The following TBXAS1 variants were observed in gnomAD, a reference collection of about 807,000 sequenced individuals.
The protein encoded by TBXAS1 is thromboxane A synthase 1, also known as thromboxane-A synthase.
TBXAS1 carries 48 observed loss-of-function variants against 60.7 expected under a neutral mutation model. That is an observed-to-expected ratio of 0.79 (90% CI 0.63 to 1.01). The LOEUF (loss-of-function observed/expected upper bound fraction) is 1.01, where lower values mean the gene tolerates loss of function less well. Among genes scored for constraint, TBXAS1 ranks in the 50% least tolerant of loss-of-function variants. The probability of loss-of-function intolerance (pLI) is 0.00; values close to 1 mark genes in which losing one functional copy is unlikely to be tolerated. For synonymous variants in TBXAS1, 287 were observed against 269.7 expected (o/e 1.06, Z -0.63); for missense variants, 685 against 686.3 (o/e 1.00, Z 0.02).
Position 139,830,139 on chromosome 7 carries a change from G to C in TBXAS1, c.89+660G>C, listed in dbSNP as rs576996320. On this transcript the variant is annotated intron_variant, in intron 1 of 12. Coordinates refer to ENST00000448866, the MANE Select transcript of TBXAS1 (RefSeq NM_001061.7). ...GCAAATTTTCCTAAGGCTGACTCTG[G>C]TGTCTGTAGGTCGAAGGCCTCATAA... is the stretch of plus-strand genomic sequence containing the variant. Among the ~76,000 whole-genome samples the C allele has an allele frequency of 2.0e-5, 3 of 152,268 alleles. No individual in the cohort carries two copies. In the South Asian group the frequency reaches 6.2e-4, roughly 32 times the overall value.
intron 4 of TBXAS1, among the ~76,000 whole-genome samples, chr7:139,915,190 T>G (rs879467501): frequency 6.6e-6 from 1 of 152,202 alleles, no homozygotes; most frequent in Non-Finnish European, 1.5e-5. Flanking sequence ...AAAACAGTCT[T>G]TAAAGTGGGA....
intron 1 of TBXAS1, among the ~76,000 whole-genome samples, chr7:139,850,918 G>C (rs1800171765): frequency 6.6e-6 from 1 of 152,156 alleles, no homozygotes; most frequent in Non-Finnish European, 1.5e-5. Context: ...TGGCCCTGCT[G>C]ATGTCTTGAC....
intron 9 of TBXAS1, among the ~76,000 whole-genome samples, chr7:139,981,611 C>T (rs1287527950): frequency 6.6e-6 from 1 of 152,198 alleles, no homozygotes; most frequent in Non-Finnish European, 1.5e-5. Context: ...TGGTTGGAGG[C>T]CGCCAACCTC....
chr7:139,951,428 G>T (rs1809243769), intron 5 of TBXAS1, among the ~76,000 whole-genome samples: 1 of 151,466 alleles, frequency 6.6e-6, no homozygotes, highest in Non-Finnish European at 1.5e-5. Context: ...AGGCAGGAGG[G>T]GTGTATGCAA....
intron 8 of TBXAS1, among the ~76,000 whole-genome samples, chr7:139,960,732 CAAAA>C (rs538201159): frequency 1.4e-5 from 1 of 72,400 alleles, no homozygotes; most frequent in Non-Finnish European, 3.0e-5. Context: ...GGTGACAGAG[CAAAA>C]AAAAAAAAAA....
intron 4 of TBXAS1, among the ~76,000 whole-genome samples, chr7:139,819,002 T>A (rs1392482782): frequency 2.6e-5 from 4 of 152,240 alleles, no homozygotes; most frequent in African/African-American, 9.6e-5. Flanking sequence ...AGCAGAGGGC[T>A]GCAATTGCCA....
At chr7:140,010,432 C>A (rs745500113) in intron 10 of TBXAS1, among the ~76,000 whole-genome samples, 1 of 152,172 alleles carries the variant, frequency 6.6e-6, no homozygotes, top group Non-Finnish European at 1.5e-5. Flanking sequence ...GGATGCTGTG[C>A]GGTGCAGTTC....
intron 9 of TBXAS1, among the ~76,000 whole-genome samples, chr7:139,965,228 A>G (rs1398686679): frequency 1.3e-5 from 2 of 152,120 alleles, no homozygotes; most frequent in Admixed American, 6.5e-5. Context: ...CAAAAAAAAA[A>G]AGGACCACAT....
chr7:140,018,561 C>T (rs922608477), intron 12 of TBXAS1, among the ~76,000 whole-genome samples: 2 of 152,132 alleles, frequency 1.3e-5, no homozygotes, highest in Non-Finnish European at 2.9e-5. Context: ...CCTATCTCCC[C>T]CCCACATCAC....
intron 9 of TBXAS1, among the ~76,000 whole-genome samples, chr7:139,986,062 G>T (rs1334763965): frequency 6.6e-6 from 1 of 152,238 alleles, no homozygotes; most frequent in African/African-American, 2.4e-5. Context: ...CGGAACAGCG[G>T]CCCACCTAAA....
intron 1 of TBXAS1, among the ~76,000 whole-genome samples, chr7:139,846,464 A>G (rs1799810088): frequency 6.6e-6 from 1 of 152,246 alleles, no homozygotes; most frequent in Admixed American, 6.5e-5. Context: ...CATGAGTAAG[A>G]ACATAAGGTG....
In TBXAS1 at chr7:139,896,306, A is replaced by G. The variant is rs112952266; in HGVS notation, c.237-14919A>G. 6.6e-6 allele frequency among the ~76,000 whole-genome samples: 1 copy of G among 152,174 alleles called. No individual in the cohort carries two copies. Among genetic ancestry groups the G allele is most frequent in the Non-Finnish European group, 1.5e-5 (1 of 68,020 alleles). The stretch of plus-strand genomic sequence containing the variant: ...AAGGGTCCATGAAGCCTTCACAAAG[A>G]GGGGCAGGTGACCCGACTGTCTGAA... On this transcript the variant is annotated intron_variant, in intron 3 of 12. Transcript: ENST00000448866. The surrounding 1 kb of genome is among the most constrained non-coding windows in gnomAD (Gnocchi z 4.0).
chr7:139,839,489 T>C (rs1000390512), intron 1 of TBXAS1, among the ~76,000 whole-genome samples: 2 of 152,096 alleles, frequency 1.3e-5, no homozygotes, highest in Non-Finnish European at 2.9e-5. Flanking sequence ...AGTACCAAGC[T>C]GCTCTTAAAG....
intron 1 of TBXAS1, among the ~76,000 whole-genome samples, chr7:139,840,142 A>AGTTCCTTTCCC (rs1166981747): frequency 8.5e-5 from 13 of 152,188 alleles, no homozygotes; most frequent in African/African-American, 3.1e-4. Flanking sequence ...TATGCCTGGA[A>AGTTCCTTTCCC]GTTCCTTTCC....
chr7:139,813,649 A>C (rs1174901727), intron 4 of TBXAS1, among the ~76,000 whole-genome samples: 1 of 152,196 alleles, frequency 6.6e-6, no homozygotes. Context: ...TGTAATCATC[A>C]TCAAATCCAC....
intron 4 of TBXAS1, among the ~76,000 whole-genome samples, chr7:139,809,198 T>TGATAGATAGATAGATAGATA (rs1554466809): frequency 1.4e-5 from 2 of 140,320 alleles, no homozygotes; most frequent in African/African-American, 2.8e-5. Flanking sequence ...AGGAGATAGA[T>TGATAGATAGATAGATAGATA]GATAGATAGA....
At chr7:139,997,137 A>G (rs1423583500) in intron 9 of TBXAS1, among the ~76,000 whole-genome samples, 1 of 152,220 alleles carries the variant, frequency 6.6e-6, no homozygotes, top group African/African-American at 2.4e-5. Context: ...AGTAAGTTCT[A>G]TATGGCACAG....
chr7:139,987,905 C>T (rs943845666), intron 9 of TBXAS1, among the ~76,000 whole-genome samples: 14 of 152,234 alleles, frequency 9.2e-5, no homozygotes, highest in African/African-American at 3.1e-4. Flanking sequence ...GGCAGTAGCA[C>T]CACCATGCAG....
At chr7:139,908,016 T>A (rs1395862628) in intron 3 of TBXAS1, among the ~76,000 whole-genome samples, 1 of 152,100 alleles carries the variant, frequency 6.6e-6, no homozygotes, top group East Asian at 1.9e-4. Flanking sequence ...ATTTCATTCC[T>A]GATGTTGGTG....
Sources: allele counts gnomAD v4.1 joint callset (sites outside exome capture counted in the v4.1 genomes callset), GRCh38; gene constraint gnomAD v4.1.1; non-coding constraint Gnocchi (gnomAD v3.1); transcripts MANE v1.5; gene names NCBI Gene and HGNC (gene_info 2026-07-23, HGNC 2026-07-21).